Variants in ZFP64 observed in about 807,000 individuals in gnomAD.
ZFP64 encodes ZFP64 zinc finger protein, also known as zinc finger protein 64.
Under a neutral mutation model 51.6 loss-of-function variants are expected in ZFP64, and 14 were observed. That is an observed-to-expected ratio of 0.27 (90% CI 0.18 to 0.42). The LOEUF (loss-of-function observed/expected upper bound fraction) is 0.42. Among genes scored for constraint, ZFP64 ranks in the 10% least tolerant of loss-of-function variants. The pLI, the probability that ZFP64 is intolerant of heterozygous loss-of-function variation, is 1.00. For missense variants in ZFP64, 754 were observed against 906.8 expected, an observed-to-expected ratio of 0.83 and a Z score of 2.16; for synonymous variants, 375 against 361.4, an observed-to-expected ratio of 1.04 and a Z score of -0.43.
intron 5 of ZFP64, among the ~76,000 whole-genome samples, chr20:52,102,094 G>A (rs1207212051): frequency 4.5e-5 from 4 of 89,210 alleles, no homozygotes; most frequent in Non-Finnish European, 9.2e-5. Flanking sequence ...CCTGGTGAGA[G>A]TAACTCCATC....
At chr20:52,109,795 A>AAG (rs1978455113) in intron 5 of ZFP64, among the ~76,000 whole-genome samples, 1 of 151,460 alleles carries the variant, frequency 6.6e-6, no homozygotes, top group African/African-American at 2.4e-5. Context: ...AAAAAAAAAA[A>AAG]AAAAAAAGAA....
intron 5 of ZFP64, among the ~76,000 whole-genome samples, chr20:52,128,928 T>TG (rs1334734493): frequency 6.6e-6 from 1 of 152,068 alleles, no homozygotes; most frequent in Non-Finnish European, 1.5e-5. Flanking sequence ...TTCTTTCTTT[T>TG]TCTGAGACGG....
At chr20:52,110,517 C>A in intron 5 of ZFP64, 1 of 719,006 alleles carries the variant, frequency 1.4e-6, no homozygotes. Flanking sequence ...CTGTGATCTT[C>A]AGGTATTGCT....
intron 7 of ZFP64, chr20:52,088,921 A>G (rs1338291245): frequency 1.6e-6 from 1 of 610,980 alleles, no homozygotes; most frequent in Non-Finnish European, 3.1e-6. Context: ...GTGGTTATAG[A>G]AGTACTCAGG....
intron 2 of ZFP64, among the ~76,000 whole-genome samples, chr20:52,172,106 T>C (rs888675693): frequency 2.6e-5 from 4 of 151,798 alleles, no homozygotes; most frequent in Non-Finnish European, 5.9e-5. Flanking sequence ...GGTGAGTGTA[T>C]GTGTGTGTGT....
intron 5 of ZFP64, among the ~76,000 whole-genome samples, chr20:52,111,915 C>A (rs1978606398): frequency 6.6e-6 from 1 of 151,868 alleles, no homozygotes; most frequent in Admixed American, 6.6e-5. Flanking sequence ...AACCCCATCT[C>A]CACTAAAAAT....
chr20:52,158,394 T>C (rs1199544579), intron 5 of ZFP64, among the ~76,000 whole-genome samples: 1 of 152,126 alleles, frequency 6.6e-6, no homozygotes, highest in Admixed American at 6.5e-5. Flanking sequence ...AAAGGCGGAC[T>C]GTGGTTGTTT....
intron 5 of ZFP64, among the ~76,000 whole-genome samples, chr20:52,099,144 T>TAC (rs2079024464): frequency 6.6e-6 from 1 of 151,348 alleles, no homozygotes; most frequent in Admixed American, 6.6e-5. Context: ...CTAAAAAACA[T>TAC]ATGAGTACTT....
chr20:52,152,371 C>T lies in ZFP64; in HGVS notation c.1821G>A (p.Ser607=), dbSNP rs780743874. The part of the protein sequence containing the change: ...GSGNQTFITS[S]GITCTDFEGL... ...CTTCAAAGTCAGTGCAAGTAATACCCGAACTGGTAATGAAAGTTTGATTGC... is the reference window on the plus strand; with the variant it reads ...CTTCAAAGTCAGTGCAAGTAATACCTGAACTGGTAATGAAAGTTTGATTGC... Residue 607 remains serine (S), a synonymous_variant, in exon 6 of 6, where the codon TCG becomes TCA. Transcript: ENST00000216923. The T allele has an allele frequency of 2.5e-6, 4 of 1,614,122 alleles. No individual in the cohort carries two copies. The highest frequency in any genetic ancestry group is 1.1e-5 in the South Asian group (1 of 91,072).
chr20:52,152,858 C>G lies in ZFP64; in HGVS notation c.1334G>C (p.Arg445Thr). 6.2e-7 allele frequency: 1 copy of G among 1,614,184 alleles called. No homozygotes were observed. Among genetic ancestry groups the G allele is most frequent in the Non-Finnish European group, 8.5e-7 (1 of 1,180,038 alleles). ...MREDSLRSHK[R>T]QHSEYSESKN... ...ACTCTCACTGTACTCACTGTGCTGT[C>G]TCTTGTGGCTGCGGAGCGAGTCCTC... The change falls in exon 6 of 6, where the codon AGA (arginine) becomes ACA (threonine). Residue 445 changes from arginine to threonine, a missense_variant. Coordinates refer to ENST00000216923, the MANE Select transcript of ZFP64 (RefSeq NM_018197.3).
intron 5 of ZFP64, among the ~76,000 whole-genome samples, chr20:52,113,421 TC>T (rs1978700823): frequency 7.1e-6 from 1 of 141,720 alleles, no homozygotes; most frequent in Non-Finnish European, 1.5e-5. Flanking sequence ...TGCCAGGAAT[TC>T]TTTTTTTTTT....
chr20:52,092,888 C>T (rs1467995348), intron 7 of ZFP64, among the ~76,000 whole-genome samples: 4 of 151,898 alleles, frequency 2.6e-5, no homozygotes, highest in Non-Finnish European at 4.4e-5. Context: ...CAAAACAGAT[C>T]GATAACAATG....
chr20:52,165,412 C>T (rs1306982919), intron 3 of ZFP64: 2 of 454,198 alleles, frequency 4.4e-6, no homozygotes, highest in African/African-American at 4.0e-5. Context: ...TGTATATATA[C>T]AAAGAATGAC....
intron 5 of ZFP64, among the ~76,000 whole-genome samples, chr20:52,101,590 TAG>T (rs1274801658): frequency 0.014 from 2,183 of 152,196 alleles, 51 homozygotes; most frequent in African/African-American, 0.05. Flanking sequence ...TTTGTTTTTA[TAG>T]AGACAGGGTT....
intron 7 of ZFP64, among the ~76,000 whole-genome samples, chr20:52,094,525 C>G (rs1385298447): frequency 6.6e-6 from 1 of 152,172 alleles, no homozygotes; most frequent in Non-Finnish European, 1.5e-5. Context: ...CTTTGGAAGG[C>G]CGAGGCAGGA....
intron 5 of ZFP64, chr20:52,104,770 G>T: frequency 3.6e-6 from 2 of 561,164 alleles, no homozygotes; most frequent in Non-Finnish European, 3.5e-6. Flanking sequence ...CCACCTTCCA[G>T]GCGCGCAGCC....
At chr20:52,176,713 G>C (rs1405526694) in intron 2 of ZFP64, among the ~76,000 whole-genome samples, 1 of 151,590 alleles carries the variant, frequency 6.6e-6, no homozygotes, top group Non-Finnish European at 1.5e-5. Flanking sequence ...GTTTCACCTT[G>C]TTAGCCAGGA....
intron 5 of ZFP64, among the ~76,000 whole-genome samples, chr20:52,101,113 T>C (rs1307059843): frequency 1.3e-5 from 2 of 152,166 alleles, no homozygotes; most frequent in Non-Finnish European, 2.9e-5. Context: ...GGGATGCTGC[T>C]AGACATCCTA....
chr20:52,134,341 C>T (rs1158007417), intron 5 of ZFP64, among the ~76,000 whole-genome samples: 1 of 152,176 alleles, frequency 6.6e-6, no homozygotes, highest in Non-Finnish European at 1.5e-5. Context: ...GGAAGCCAAG[C>T]CTTCCACAGT....
Sources: gnomAD v4.1 joint callset for allele counts (sites outside exome capture counted in the v4.1 genomes callset) on GRCh38, gnomAD v4.1.1 for gene constraint, MANE v1.5 for transcripts, NCBI Gene and HGNC (gene_info 2026-07-23, HGNC 2026-07-21) for gene names.